SLC9A4: variants seen among roughly 807,000 people sequenced by gnomAD.
SLC9A4 encodes solute carrier family 9 member A4, also known as sodium/hydrogen exchanger 4.
A neutral mutation model predicts 67.4 loss-of-function variants in SLC9A4; 63 were observed. That is an observed-to-expected ratio of 0.93 (90% confidence interval 0.76 to 1.15). The LOEUF (loss-of-function observed/expected upper bound fraction) is 1.15. SLC9A4 is among the 50% of genes most tolerant of loss of function. The pLI is 0.00. For synonymous variants in SLC9A4, 393 were observed against 367.2 expected (o/e 1.07, Z -0.80); for missense variants, 1,089 against 987.7 (o/e 1.10, Z -1.38).
In SLC9A4 at chr2:102,508,899, A is replaced by G. The variant is rs1363267385; in HGVS notation, c.1454A>G (p.Lys485Arg). The change falls in exon 6 of 12, where the codon AAA (lysine) becomes AGA (arginine). Residue 485 changes from lysine to arginine, a missense_variant. Transcript: ENST00000295269. ...TACCTGGATGTTAAAAAAACCAATA[A>G]AAAAGAATCCATCAATGAAGAGCTT... ...VRYLDVKKTN[K>R]KESINEELHI... 1.2e-6 allele frequency: 2 copies of G among 1,613,100 alleles called. No homozygotes were observed. Among genetic ancestry groups the G allele is most frequent in the African/African-American group, 2.7e-5 (2 of 74,854 alleles).
intron 8 of SLC9A4, among the ~76,000 whole-genome samples, chr2:102,516,576 T>G (rs1355365702): frequency 6.6e-6 from 1 of 152,240 alleles, no homozygotes; most frequent in Admixed American, 6.5e-5. Context: ...ACAAAAGGTT[T>G]AGATTTTCAA....
intron 2 of SLC9A4, among the ~76,000 whole-genome samples, chr2:102,502,375 C>T (rs943593131): frequency 2.0e-5 from 3 of 151,750 alleles, no homozygotes; most frequent in Non-Finnish European, 2.9e-5. Flanking sequence ...TTGGGGGATT[C>T]GATGAAATGA....
intron 6 of SLC9A4, among the ~76,000 whole-genome samples, chr2:102,510,080 A>G (rs11688802): frequency 0.035 from 5,307 of 151,832 alleles, 132 homozygotes; most frequent in Non-Finnish European, 0.052. Context: ...TGCTTATAGA[A>G]TTGTGAGGGT....
chr2:102,499,314 A>G (rs1573338959), intron 2 of SLC9A4, among the ~76,000 whole-genome samples: 1 of 151,470 alleles, frequency 6.6e-6, no homozygotes, highest in Admixed American at 6.5e-5. Flanking sequence ...AGATAGATAG[A>G]TAGAATTAGA....
intron 11 of SLC9A4, among the ~76,000 whole-genome samples, chr2:102,527,995 C>T (rs978724955): frequency 6.6e-6 from 1 of 150,966 alleles, no homozygotes; most frequent in African/African-American, 2.5e-5. Flanking sequence ...ATTTTATCTC[C>T]TATATGTTGC....
At chr2:102,502,930 G>A (rs886242364) in intron 2 of SLC9A4, among the ~76,000 whole-genome samples, 1 of 152,212 alleles carries the variant, frequency 6.6e-6, no homozygotes, top group South Asian at 2.1e-4. Flanking sequence ...GGTTGCAGAG[G>A]GATCACTTTC....
intron 2 of SLC9A4, among the ~76,000 whole-genome samples, chr2:102,483,323 G>T (rs1247820525): frequency 2.6e-5 from 4 of 152,178 alleles, no homozygotes; most frequent in African/African-American, 9.7e-5. Context: ...CAGCTGAAAA[G>T]GAACGGGTAC....
chr2:102,519,980 C>T (rs1382765331), intron 9 of SLC9A4, 25 bp downstream of exon 9: 9 of 1,601,946 alleles, frequency 5.6e-6, no homozygotes, highest in Non-Finnish European at 7.7e-6. Flanking sequence ...CCTGTGTTGT[C>T]CCCATTTTCT....
chr2:102,485,838 G>A (rs1280653157), intron 2 of SLC9A4, among the ~76,000 whole-genome samples: 1 of 152,146 alleles, frequency 6.6e-6, no homozygotes, highest in African/African-American at 2.4e-5. Context: ...CAAATTAACT[G>A]TCACCGCCAA....
intron 11 of SLC9A4, among the ~76,000 whole-genome samples, chr2:102,527,298 T>C (rs1262697758): frequency 2.0e-5 from 3 of 152,162 alleles, no homozygotes; most frequent in Non-Finnish European, 2.9e-5. Flanking sequence ...TTGCATCATA[T>C]GATACATAAA....
chr2:102,520,482 T>G (rs1685381956), intron 9 of SLC9A4, among the ~76,000 whole-genome samples: 1 of 152,234 alleles, frequency 6.6e-6, no homozygotes, highest in Non-Finnish European at 1.5e-5. Context: ...TGGTCCAAAG[T>G]GCATACTAAG....
intron 1 of SLC9A4, among the ~76,000 whole-genome samples, chr2:102,474,962 C>A (rs1684296393): frequency 6.6e-6 from 1 of 152,190 alleles, no homozygotes; most frequent in African/African-American, 2.4e-5. Flanking sequence ...TGAGGTCTGG[C>A]AGTTACCTTC....
At chr2:102,492,335 C>T (rs1684720062) in intron 2 of SLC9A4, among the ~76,000 whole-genome samples, 1 of 152,256 alleles carries the variant, frequency 6.6e-6, no homozygotes, top group Non-Finnish European at 1.5e-5. Context: ...TGAAGTTCTC[C>T]ATAAGGGCCC....
intron 2 of SLC9A4, among the ~76,000 whole-genome samples, chr2:102,488,813 C>T (rs1684642764): frequency 1.3e-5 from 2 of 152,196 alleles, no homozygotes; most frequent in African/African-American, 2.4e-5. Context: ...TCCCAAAGTG[C>T]TGGAATTACA....
At chr2:102,504,256 G>C (rs926063524) in intron 3 of SLC9A4, among the ~76,000 whole-genome samples, 1 of 152,240 alleles carries the variant, frequency 6.6e-6, no homozygotes, top group African/African-American at 2.4e-5. Context: ...GTTTCACCAT[G>C]TTAGCCAAGA....
intron 3 of SLC9A4, among the ~76,000 whole-genome samples, chr2:102,503,933 A>G (rs752036770): frequency 6.6e-6 from 1 of 152,204 alleles, no homozygotes; most frequent in Non-Finnish European, 1.5e-5. Flanking sequence ...CTGAGGAGGA[A>G]AGCATAGCAA....
At chr2:102,529,177 TGTC>T (rs745901058) in intron 11 of SLC9A4, among the ~76,000 whole-genome samples, 8 of 152,250 alleles carry the variant, frequency 5.3e-5, no homozygotes, top group Admixed American at 3.3e-4. Flanking sequence ...CACTTCACCA[TGTC>T]AGTTCTACAT....
Position 102,479,103 on chromosome 2 carries a change from G to A in SLC9A4, c.521G>A (p.Gly174Asp), listed in dbSNP as rs1684398285. 6.2e-7 allele frequency: 1 copy of A among 1,614,164 alleles called. No individual in the cohort carries two copies. The highest frequency in any genetic ancestry group is 1.3e-5 in the African/African-American group (1 of 75,060). Residue 174 changes from glycine to aspartate, a missense_variant, in exon 2 of 12, where the codon GGC becomes GAC. Transcript: ENST00000295269. Reference sequence around the variant, plus strand: ...GCCCTGATCAACGCCTTGGGCATTGGCCTCTCCCTCTACCTCATCTGCCAG... The same window carrying A: ...GCCCTGATCAACGCCTTGGGCATTGACCTCTCCCTCTACCTCATCTGCCAG... ...LGALINALGI[G>D]LSLYLICQVK...
chr2:102,487,965 T>A lies in SLC9A4; in HGVS notation c.720+8663T>A, dbSNP rs76499866. ...TCCTGCCTTTGAGGAGCCACAGCTA[T>A]GAACACATGACTTATTTCTTTTTGT... is the stretch of plus-strand genomic sequence containing the variant. On this transcript the variant is annotated intron_variant, in intron 2 of 11. Coordinates refer to ENST00000295269, the MANE Select transcript of SLC9A4 (RefSeq NM_001011552.4). 5.2e-4 allele frequency among the ~76,000 whole-genome samples: 79 copies of A among 152,370 alleles called. No homozygotes were observed. In the East Asian group the frequency reaches 0.01, roughly 20 times the overall value.
Sources: gnomAD v4.1 joint callset for allele counts (sites outside exome capture counted in the v4.1 genomes callset) on GRCh38, gnomAD v4.1.1 for gene constraint, MANE v1.5 for transcripts, NCBI Gene and HGNC (gene_info 2026-07-23, HGNC 2026-07-21) for gene names.